The following GYPC variants were observed in gnomAD, a reference collection of about 807,000 sequenced individuals.
GYPC encodes glycophorin-C.
Under a neutral mutation model 12.6 loss-of-function variants are expected in GYPC, and 14 were observed. That is an observed-to-expected ratio of 1.11 (90% CI 0.74 to 1.74). The LOEUF (loss-of-function observed/expected upper bound fraction) is 1.74. Among genes scored for constraint, GYPC ranks in the 40% most tolerant of loss-of-function variants. The pLI is 0.00. For synonymous variants in GYPC, 78 were observed against 62.1 expected, an observed-to-expected ratio of 1.26 and a Z score of -1.20; for missense variants, 225 against 172.1, an observed-to-expected ratio of 1.31 and a Z score of -1.72.
At chr2:126,664,739 T>C (rs1256752388) in intron 1 of GYPC, among the ~76,000 whole-genome samples, 1 of 152,228 alleles carries the variant, frequency 6.6e-6, no homozygotes, top group Non-Finnish European at 1.5e-5. Flanking sequence ...GCCCACTGCC[T>C]CTGCTCTCCC....
At chr2:126,657,887 AG>A (rs28387087) in intron 1 of GYPC, 20 of 152,232 alleles carry the variant, frequency 1.3e-4, no homozygotes, top group Admixed American at 8.5e-4. Context: ...CGAGAACTGC[AG>A]GGGGGGTGGG....
intron 1 of GYPC, among the ~76,000 whole-genome samples, chr2:126,665,121 T>C (rs961780932): frequency 2.6e-5 from 4 of 152,196 alleles, no homozygotes; most frequent in Admixed American, 1.3e-4. Context: ...TCATGTTCAT[T>C]GTAGAATTGT....
At chr2:126,689,829 G>C (rs1169551075) in intron 1 of GYPC, among the ~76,000 whole-genome samples, 1 of 152,168 alleles carries the variant, frequency 6.6e-6, no homozygotes, top group Non-Finnish European at 1.5e-5. Flanking sequence ...AATTACCCAA[G>C]TATTCAGCTA....
chr2:126,664,092 G>C (rs974837468), intron 1 of GYPC, among the ~76,000 whole-genome samples: 14 of 151,856 alleles, frequency 9.2e-5, no homozygotes, highest in Non-Finnish European at 1.5e-4. Context: ...GCCCTGGATG[G>C]ATTTGTCATA....
intron 1 of GYPC, among the ~76,000 whole-genome samples, chr2:126,665,921 T>C (rs1294912249): frequency 6.6e-6 from 1 of 152,176 alleles, no homozygotes; most frequent in Admixed American, 6.5e-5. Flanking sequence ...GCCAGGTGTG[T>C]CTTCCTCCAG....
In GYPC at chr2:126,696,233, G is replaced by A; in HGVS notation, c.*91G>A. 1.1e-6 allele frequency: 1 copy of A among 912,256 alleles called. No homozygotes were observed. Among genetic ancestry groups the A allele is most frequent in the Non-Finnish European group, 1.8e-6 (1 of 562,920 alleles). 56.5% of individuals were successfully genotyped at this position (912,256 alleles called of 1,614,324 possible). On this transcript the variant is annotated 3_prime_UTR_variant, in exon 4 of 4. Coordinates refer to ENST00000259254, the MANE Select transcript of GYPC (RefSeq NM_002101.5). ...CCCAGCACCCCTGCTGATACCACCAGACAGAGAGAGAGAGCACTTGATTCT... is the reference window on the plus strand; with the variant it reads ...CCCAGCACCCCTGCTGATACCACCAAACAGAGAGAGAGAGCACTTGATTCT...
chr2:126,693,575 C>T lies in GYPC; in HGVS notation c.107-289C>T, dbSNP rs556252928. Among the ~76,000 whole-genome samples the T allele has an allele frequency of 5.6e-4, 86 of 152,300 alleles. 1 individual carries two copies. The highest frequency in any genetic ancestry group is 5.0e-3 in the Admixed American group (77 of 15,292). On this transcript the variant is annotated intron_variant, in intron 2 of 3. Coordinates refer to ENST00000259254, the MANE Select transcript of GYPC (RefSeq NM_002101.5). ...ACAGATATCTGTTGAGCATCTACCA[C>T]GTGCAGCACCACTCTCAGTGCAGGC... is the stretch of plus-strand genomic sequence containing the variant.
intron 1 of GYPC, among the ~76,000 whole-genome samples, chr2:126,683,249 G>A (rs1333501168): frequency 1.2e-4 from 18 of 152,128 alleles, no homozygotes; most frequent in Admixed American, 1.2e-3. Context: ...GAACCTGGGG[G>A]GCAGAGGTTG....
chr2:126,695,189 TC>T (rs1376067388), intron 3 of GYPC, among the ~76,000 whole-genome samples: 3 of 152,156 alleles, frequency 2.0e-5, no homozygotes, highest in East Asian at 3.9e-4. Flanking sequence ...TCATCTTTTT[TC>T]CCCCTGTATA....
At chr2:126,671,867 G>A (rs1022060531) in intron 1 of GYPC, among the ~76,000 whole-genome samples, 1 of 152,240 alleles carries the variant, frequency 6.6e-6, no homozygotes, top group Non-Finnish European at 1.5e-5. Flanking sequence ...TGGAAGGTGA[G>A]GAGTGAGGGG....
chr2:126,686,572 G>A (rs1683296538), intron 1 of GYPC: 1 of 982,900 alleles, frequency 1.0e-6, no homozygotes, highest in Non-Finnish European at 1.2e-6. Context: ...GTCATTCAGT[G>A]CCAGGCACCC....
intron 1 of GYPC, among the ~76,000 whole-genome samples, chr2:126,677,517 G>A (rs1364809279): frequency 2.5e-5 from 2 of 80,528 alleles, no homozygotes; most frequent in Non-Finnish European, 6.3e-5. Context: ...GTGTGTGTGA[G>A]TCTGTGTGTG....
At chr2:126,691,436 C>A (rs367594716) in intron 2 of GYPC, among the ~76,000 whole-genome samples, 1 of 152,128 alleles carries the variant, frequency 6.6e-6, no homozygotes. Flanking sequence ...TTACCCTCTC[C>A]CACTTCAGTC....
At chr2:126,689,363 C>T (rs970933988) in intron 1 of GYPC, among the ~76,000 whole-genome samples, 10 of 152,154 alleles carry the variant, frequency 6.6e-5, no homozygotes, top group Non-Finnish European at 1.5e-4. Flanking sequence ...CCAGGCACCT[C>T]ATAGGATGGA....
chr2:126,686,493 T>C, intron 1 of GYPC: 2 of 985,516 alleles, frequency 2.0e-6, no homozygotes, highest in Non-Finnish European at 2.4e-6. Flanking sequence ...TCCACAAAGA[T>C]GAGCATAGTG....
At chr2:126,681,878 C>T (rs1184651572) in intron 1 of GYPC, among the ~76,000 whole-genome samples, 1 of 152,198 alleles carries the variant, frequency 6.6e-6, no homozygotes, top group Non-Finnish European at 1.5e-5. Context: ...CACTGAGGGG[C>T]CACTCCCTCA....
intron 1 of GYPC, among the ~76,000 whole-genome samples, chr2:126,666,907 A>G (rs2104776023): frequency 6.6e-6 from 1 of 152,304 alleles, no homozygotes; most frequent in East Asian, 1.9e-4. Context: ...TGGTGCATGG[A>G]TCCTACTGAC....
At chr2:126,661,455 CTTT>C (rs55662976) in intron 1 of GYPC, among the ~76,000 whole-genome samples, 9 of 145,226 alleles carry the variant, frequency 6.2e-5, no homozygotes, top group Non-Finnish European at 1.1e-4. Context: ...CTCTCTCTCT[CTTT>C]TTTTTTTTTT....
chr2:126,682,110 C>T (rs1474137322), intron 1 of GYPC, among the ~76,000 whole-genome samples: 1 of 152,220 alleles, frequency 6.6e-6, no homozygotes, highest in East Asian at 1.9e-4. Context: ...GCTGGCAAGT[C>T]AAGCAGATGC....
Sources: allele counts gnomAD v4.1 joint callset (sites outside exome capture counted in the v4.1 genomes callset), GRCh38; gene constraint gnomAD v4.1.1; transcripts MANE v1.5; gene names NCBI Gene and HGNC (gene_info 2026-07-23, HGNC 2026-07-21).